KCNU1: variants seen among roughly 807,000 people sequenced by gnomAD.
KCNU1 encodes the protein potassium channel subfamily U member 1.
A neutral mutation model predicts 126.8 loss-of-function variants in KCNU1; 93 were observed. The observed-to-expected ratio is 0.73, with a 90% CI of 0.62 to 0.87. KCNU1 has a LOEUF of 0.87. KCNU1 is among the 40% of genes least tolerant of loss of function. The pLI is 0.00. For missense variants in KCNU1, 1,330 were observed against 1,367.1 expected (o/e 0.97, Z 0.43); for synonymous variants, 523 against 494.2 (o/e 1.06, Z -0.77).
intron 11 of KCNU1, among the ~76,000 whole-genome samples, chr8:36,834,065 A>G (rs932034689): frequency 4.6e-5 from 7 of 152,308 alleles, no homozygotes; most frequent in African/African-American, 1.7e-4. Flanking sequence ...ATGCATGGAT[A>G]TGCTTTCCAA....
rs1218277331 is a variant in KCNU1 at position 36,918,832 on chromosome 8, C to A, written c.2531C>A (p.Pro844Gln). The A allele has an allele frequency of 1.2e-6, 2 of 1,602,170 alleles. No individual in the cohort carries two copies. Among genetic ancestry groups the A allele is most frequent in the South Asian group, 2.2e-5 (2 of 90,784 alleles). The change falls in exon 23 of 27, where the codon CCA becomes CAA. Residue 844 changes from proline (P) to glutamine (Q), a missense_variant. Pro to Gln is a moderately conservative substitution (Grantham distance 76). This residue lies in a region of KCNU1 where 1,054 missense variants were observed against 1,053.9 expected (regional missense o/e 1.00). Coordinates refer to ENST00000399881, the MANE Select transcript of KCNU1 (RefSeq NM_001031836.3). ...DPSPSVSEET[P>Q]GYTNGHNEKS... ...CTTTTCTTCTTTGCAGAGGAGACTC[C>A]AGGTTACACAAATGGACATAATGAG...
At chr8:36,831,635 G>A (rs1804551707) in intron 10 of KCNU1, among the ~76,000 whole-genome samples, 1 of 147,360 alleles carries the variant, frequency 6.8e-6, no homozygotes, top group Non-Finnish European at 1.5e-5. Flanking sequence ...ATTTGTTTGA[G>A]TTCATTGTAG....
rs979369715 is a variant in KCNU1, at chr8:36,852,494, G to A, written c.1891+6595G>A. 8.5e-5 allele frequency among the ~76,000 whole-genome samples: 13 copies of A among 152,182 alleles called. No homozygotes were observed. The South Asian group carries it at 1.2e-3, about 15-fold the overall frequency. ...GAATTTTACTTGTGAAGCAATCAGGGCCTAACTTAACATTTTTTATTATTA... is the reference window on the plus strand; with the variant it reads ...GAATTTTACTTGTGAAGCAATCAGGACCTAACTTAACATTTTTTATTATTA... On this transcript the variant is annotated intron_variant, in intron 18 of 26. Coordinates refer to ENST00000399881, the MANE Select transcript of KCNU1 (RefSeq NM_001031836.3).
At chr8:36,894,812 A>T (rs182847250) in intron 19 of KCNU1, among the ~76,000 whole-genome samples, 2 of 152,280 alleles carry the variant, frequency 1.3e-5, no homozygotes, top group Admixed American at 6.5e-5. Context: ...TGTAGACCAG[A>T]AACAGTCCTA....
chr8:36,875,772 A>G (rs1158253004), intron 19 of KCNU1, among the ~76,000 whole-genome samples: 3 of 152,162 alleles, frequency 2.0e-5, no homozygotes, highest in Non-Finnish European at 4.4e-5. Context: ...CTTTGCTTCA[A>G]CTGAAATATT....
At chr8:36,847,430 G>C (rs775944521) in intron 18 of KCNU1, among the ~76,000 whole-genome samples, 28 of 152,064 alleles carry the variant, frequency 1.8e-4, no homozygotes, top group Non-Finnish European at 4.1e-4. Context: ...AACGATGAAG[G>C]ACACTAGAAA....
At chr8:36,918,929 G>T (rs778158302) in intron 23 of KCNU1, 32 bp downstream of exon 23, 2 of 1,368,448 alleles carry the variant, frequency 1.5e-6, no homozygotes, top group South Asian at 2.4e-5. Context: ...AAATTCAATG[G>T]AGAAATTTTT....
chr8:36,915,451 A>C (rs113279576), intron 22 of KCNU1, among the ~76,000 whole-genome samples: 77 of 152,358 alleles, frequency 5.1e-4, no homozygotes, highest in African/African-American at 1.7e-3. Flanking sequence ...CTCACAGAGT[A>C]CATGTAACAA....
chr8:36,838,623 G>A (rs181744422), intron 14 of KCNU1, among the ~76,000 whole-genome samples: 2 of 152,100 alleles, frequency 1.3e-5, no homozygotes, highest in African/African-American at 2.4e-5. Context: ...CTTGAACCCA[G>A]GAGGTGGGGG....
At chr8:36,838,319 C>G (rs1362905214) in intron 14 of KCNU1, among the ~76,000 whole-genome samples, 1 of 152,184 alleles carries the variant, frequency 6.6e-6, no homozygotes, top group Non-Finnish European at 1.5e-5. Flanking sequence ...GGAATGTGAA[C>G]TCTATATGAA....
chr8:36,909,452 G>C lies in KCNU1; in HGVS notation c.2248G>C (p.Asp750His). The C allele has an allele frequency of 6.2e-7, 1 of 1,613,662 alleles. No individual in the cohort carries two copies. The highest frequency in any genetic ancestry group is 2.2e-5 in the East Asian group (1 of 44,866). Reference sequence around the variant, plus strand: ...CAACTATACCAGGAAGGAGCTGAAGGACATAGTGTTCATTGGGTCTCTGGA... The same window carrying C: ...CAACTATACCAGGAAGGAGCTGAAGCACATAGTGTTCATTGGGTCTCTGGA... The part of the protein sequence containing the change: ...ASNYTRKELK[D>H]IVFIGSLDYL... Residue 750 changes from aspartate (D) to histidine (H), a missense_variant, in exon 21 of 27, where the codon GAC becomes CAC. Physicochemically the swap from Asp to His is moderately conservative, Grantham distance 81. Around this residue, in one of 3 missense-constraint regions of KCNU1, gnomAD observed 1,054 missense variants for 1,053.9 expected, o/e 1.00. Transcript: ENST00000399881.
At chr8:36,821,950 C>T (rs1804144224) in intron 10 of KCNU1, among the ~76,000 whole-genome samples, 1 of 152,056 alleles carries the variant, frequency 6.6e-6, no homozygotes, top group African/African-American at 2.4e-5. Context: ...TAGCTGTATT[C>T]AAAGCATTTT....
intron 24 of KCNU1, among the ~76,000 whole-genome samples, chr8:36,923,353 G>A (rs907666625): frequency 6.6e-6 from 1 of 152,146 alleles, no homozygotes; most frequent in Non-Finnish European, 1.5e-5. Flanking sequence ...TAACACAGAG[G>A]GATGCCAATT....
At position 36,921,251 on chromosome 8, in the gene KCNU1, C is replaced by T. The variant is rs10955005; in HGVS notation, c.2597-1239C>T. On this transcript the variant is annotated intron_variant, in intron 23 of 26. Coordinates refer to ENST00000399881, the MANE Select transcript of KCNU1 (RefSeq NM_001031836.3). ...TTTCCACCAGGTGACATGAAGAGGG[C>T]CAAGTGACACCTGTACCCACAGTGG... Among the ~76,000 whole-genome samples, 1,467 of 152,256 alleles carry T rather than the reference C, an allele frequency of 9.6e-3. 21 individuals carry two copies. Among genetic ancestry groups the T allele is most frequent in the African/African-American group, 0.034 (1,394 of 41,552 alleles).
intron 22 of KCNU1, among the ~76,000 whole-genome samples, chr8:36,912,861 G>A (rs149846728): frequency 0.034 from 5,132 of 150,330 alleles, 130 homozygotes; most frequent in Non-Finnish European, 0.047. Flanking sequence ...CCAGCTACTC[G>A]GGAGGCTGAG....
intron 7 of KCNU1, among the ~76,000 whole-genome samples, chr8:36,809,275 G>A (rs1471995989): frequency 2.0e-5 from 3 of 152,068 alleles, no homozygotes; most frequent in Admixed American, 2.0e-4. Context: ...GGAAAGTCTG[G>A]TTCTTATCCC....
chr8:36,879,211 G>GTGTATATATATATATATA (rs541223094), intron 19 of KCNU1, among the ~76,000 whole-genome samples: 3 of 101,754 alleles, frequency 2.9e-5, no homozygotes, highest in African/African-American at 1.0e-4. Flanking sequence ...GTGTGTGTGT[G>GTGTATATATATATATATA]TATATATATA....
rs145050016 is a variant in KCNU1, at chr8:36,892,236, C to A, written c.2010-13472C>A. Among the ~76,000 whole-genome samples the A allele has an allele frequency of 1.9e-4, 29 of 152,214 alleles. No homozygotes were observed. The East Asian group carries it at 5.4e-3, about 28-fold the overall frequency. The stretch of plus-strand genomic sequence containing the variant: ...TATTCCTTCTTCTGCCAACTCAGAT[C>A]TGCTGCTGAGCTCCTTCACTAAAAT... On this transcript the variant is annotated intron_variant, in intron 19 of 26. Coordinates refer to ENST00000399881, the MANE Select transcript of KCNU1 (RefSeq NM_001031836.3).
intron 6 of KCNU1, 63 bp downstream of exon 6, chr8:36,807,513 A>T (rs1251961163): frequency 2.6e-5 from 31 of 1,170,758 alleles, no homozygotes; most frequent in Non-Finnish European, 3.9e-5. Context: ...GAATGTATTA[A>T]CTGGACCCTA....
Sources: gnomAD v4.1 joint callset for allele counts (sites outside exome capture counted in the v4.1 genomes callset) on GRCh38, gnomAD v4.1.1 for gene constraint, gnomAD v4.1.1 regional missense constraint, MANE v1.5 for transcripts, NCBI Gene and HGNC (gene_info 2026-07-23, HGNC 2026-07-21) for gene names.